The following ADGRG1 variants were observed in gnomAD, a reference collection of about 807,000 sequenced individuals.
The protein encoded by ADGRG1 is adhesion G protein-coupled receptor G1.
In ADGRG1, 53 loss-of-function variants were observed where a neutral mutation model predicts 73.5. That is an observed-to-expected ratio of 0.72 (90% CI 0.58 to 0.91). ADGRG1 has a LOEUF of 0.91. Among genes scored for constraint, ADGRG1 ranks in the 40% least tolerant of loss-of-function variants. ADGRG1 has a pLI of 0.00. For synonymous variants in ADGRG1, 394 were observed against 374.4 expected (o/e 1.05, Z -0.60); for missense variants, 795 against 871.8 (o/e 0.91, Z 1.11).
chr16:57,653,430 G>T, intron 4 of ADGRG1, 95 bp downstream of exon 4: 2 of 1,570,766 alleles, frequency 1.3e-6, no homozygotes, highest in Non-Finnish European at 8.6e-7. Flanking sequence ...CTACTGCGAG[G>T]CCTTCCCTGG....
chr16:57,634,370 CT>C, intron 1 of ADGRG1: 1 of 985,406 alleles, frequency 1.0e-6, no homozygotes, highest in Non-Finnish European at 1.2e-6. Flanking sequence ...GCCCTGTGCC[CT>C]CTGCCCACTG....
intron 1 of ADGRG1, chr16:57,642,547 C>G: frequency 4.2e-6 from 4 of 963,250 alleles, no homozygotes; most frequent in Non-Finnish European, 4.9e-6. Flanking sequence ...GGTTGGGAAA[C>G]TGCCCAACCA....
intron 1 of ADGRG1, chr16:57,637,523 T>C (rs1567694128): frequency 2.0e-6 from 2 of 985,384 alleles, no homozygotes; most frequent in Non-Finnish European, 2.4e-6. Flanking sequence ...ACAGGATCCT[T>C]TGATGCAACA....
In ADGRG1 at chr16:57,642,243, C is replaced by T. The variant is rs1461128256; in HGVS notation, c.-35-8010C>T. On this transcript the variant is annotated intron_variant, in intron 1 of 13. Transcript: ENST00000562631. ...AGGCCTGGCAGTGCCCTTTTCCCCA[C>T]GAGCTGGTGCTGCCGGCCGAAGGGA... The T allele has an allele frequency of 2.6e-5, 26 of 985,278 alleles. No individual in the cohort carries two copies. In the East Asian group the frequency reaches 3.4e-4, roughly 13 times the overall value. The allele number at this position is 985,278 out of a possible 1,614,324, so 61.0% of individuals were successfully genotyped here.
At chr16:57,635,650 CT>C in intron 1 of ADGRG1, 1 of 984,836 alleles carries the variant, frequency 1.0e-6, no homozygotes, top group Non-Finnish European at 1.2e-6. Flanking sequence ...CCCCTGTTCC[CT>C]GGGCCGTGAG....
chr16:57,628,847 TGAGTGTGA>T (rs2036466456), intron 1 of ADGRG1, 45 bp downstream of exon 1: 6 of 983,482 alleles, frequency 6.1e-6, no homozygotes, highest in Admixed American at 1.2e-4. Context: ...GGGAATAGTG[TGAGTGTGA>T]GAGTGTGAGT....
At chr16:57,635,897 C>CT in intron 1 of ADGRG1, 1 of 985,336 alleles carries the variant, frequency 1.0e-6, no homozygotes, top group Non-Finnish European at 1.2e-6. Context: ...ATAGAGTGGC[C>CT]CTGGAAGCAT....
rs566688162 is a variant in ADGRG1 at position 57,657,585 on chromosome 16, G to A, written c.1286+94G>A. 7.4e-5 allele frequency: 71 copies of A among 958,910 alleles called. 1 individual carries two copies. Among genetic ancestry groups the A allele is most frequent in the South Asian group, 4.2e-4 (33 of 77,964 alleles). 59.4% of individuals were successfully genotyped at this position (958,910 alleles called of 1,614,324 possible). A position where few individuals can be genotyped will look rare whatever the true frequency, so the allele number is the denominator to read the frequency against. ...ACACATCTCCGGTCATGGCCCGCCC[G>A]CATGACCTGGAACTGTGTGTGTGGT... On this transcript the variant is annotated intron_variant, in intron 10 of 13. Coordinates refer to ENST00000562631, the MANE Select transcript of ADGRG1 (RefSeq NM_201525.4).
chr16:57,639,263 C>G, intron 1 of ADGRG1: 1 of 985,486 alleles, frequency 1.0e-6, no homozygotes, highest in Non-Finnish European at 1.2e-6. Context: ...CTGCCAGCTC[C>G]CTGTCTGGCC....
chr16:57,656,039 T>G, intron 7 of ADGRG1, 47 bp downstream of exon 7: 1 of 1,613,784 alleles, frequency 6.2e-7, no homozygotes, highest in Non-Finnish European at 8.5e-7. Flanking sequence ...CTCGGCCATG[T>G]CACCCTTTCC....
chr16:57,661,603 C>G, intron 12 of ADGRG1, 94 bp from the exon 13 acceptor site: 3 of 1,538,158 alleles, frequency 2.0e-6, no homozygotes, highest in Non-Finnish European at 2.6e-6. Flanking sequence ...TTGCTGTAAA[C>G]AGTGGATAAT....
intron 3 of ADGRG1, chr16:57,651,934 T>A: frequency 7.4e-7 from 1 of 1,344,316 alleles, no homozygotes; most frequent in South Asian, 1.6e-5. Context: ...GGATGAGGTC[T>A]GAATAGGGTG....
intron 1 of ADGRG1, chr16:57,643,517 G>A (rs2041378542): frequency 2.1e-6 from 2 of 969,426 alleles, no homozygotes; most frequent in South Asian, 4.8e-5. Context: ...CACTTGGTTG[G>A]ACCAGAAGCC....
At chr16:57,623,204 C>T (rs1567655451), upstream of ADGRG1, 2 of 984,872 alleles carry the variant, frequency 2.0e-6, no homozygotes, top group East Asian at 2.3e-4. Context: ...AAGTGCTAAA[C>T]AGGGGTTCAC....
chr16:57,623,270 C>A, upstream of ADGRG1: 1 of 982,528 alleles, frequency 1.0e-6, no homozygotes. Context: ...AGTGCTGCAG[C>A]CAGGTGTGGA....
In ADGRG1 at chr16:57,639,419, G is replaced by A. The variant is rs946193353; in HGVS notation, c.-36+10617G>A. On this transcript the variant is annotated intron_variant, in intron 1 of 13. Coordinates refer to ENST00000562631, the MANE Select transcript of ADGRG1 (RefSeq NM_201525.4). ...GTTGCCAGGGGCTGCTGTCACCTGC[G>A]CCCCTTCTCCCGCGCTGGCGGCTGG... 20 of 985,484 alleles carry A rather than the reference G, an allele frequency of 2.0e-5. 1 individual carries two copies. Among genetic ancestry groups the A allele is most frequent in the Non-Finnish European group, 2.4e-5 (20 of 829,962 alleles). The allele number at this position is 985,484 out of a possible 1,614,324, so 61.0% of individuals were successfully genotyped here.
Position 57,641,320 on chromosome 16 carries a change from C to G in ADGRG1, c.-35-8933C>G, listed in dbSNP as rs546184022. On this transcript the variant is annotated intron_variant, in intron 1 of 13. Transcript: ENST00000562631. The stretch of plus-strand genomic sequence containing the variant: ...GGGCAGGTACTGACTGGTGTGTGCC[C>G]TGGCGCCCAGGAGGCTGGCCTCAGC... 4 of 985,372 alleles carry G rather than the reference C, an allele frequency of 4.1e-6. No individual in the cohort carries two copies. The East Asian group carries it at 4.5e-4, about 112-fold the overall frequency. The allele number at this position is 985,372 out of a possible 1,614,324, so 61.0% of individuals were successfully genotyped here.
At chr16:57,650,711 T>TTTG (rs2043843814) in intron 2 of ADGRG1, among the ~76,000 whole-genome samples, 1 of 146,202 alleles carries the variant, frequency 6.8e-6, no homozygotes, top group African/African-American at 2.5e-5. Flanking sequence ...AGTTTCCTCT[T>TTTG]TTTTTTTTTT....
intron 1 of ADGRG1, chr16:57,646,596 A>G (rs2148025626): frequency 1.0e-6 from 1 of 985,062 alleles, no homozygotes; most frequent in Non-Finnish European, 1.2e-6. Context: ...ATTCTCTGCT[A>G]CTCTCCATTC....
Sources: gnomAD v4.1 joint callset for allele counts (sites outside exome capture counted in the v4.1 genomes callset) on GRCh38, gnomAD v4.1.1 for gene constraint, MANE v1.5 for transcripts, NCBI Gene and HGNC (gene_info 2026-07-23, HGNC 2026-07-21) for gene names.